Variants in IGSF9B observed in about 807,000 individuals in gnomAD.
The protein encoded by IGSF9B is protein turtle homolog B.
A neutral mutation model predicts 143.7 loss-of-function variants in IGSF9B; 48 were observed. The ratio of observed to expected loss-of-function variants is 0.33; its 90% CI spans 0.26 to 0.42. IGSF9B has a LOEUF of 0.42. Ranked by LOEUF, IGSF9B falls within the 20% of genes least tolerant of loss-of-function variation. The pLI is 1.00. For missense variants in IGSF9B, 1,706 were observed against 1,980.0 expected (o/e 0.86, Z 2.63); for synonymous variants, 903 against 833.1 (o/e 1.08, Z -1.44).
At position 133,906,645 on chromosome 11, in the gene IGSF9B, C is replaced by G. The variant is rs1451662623; in HGVS notation, c.*2424G>C. On this transcript the variant is annotated 3_prime_UTR_variant, in exon 20 of 20. Coordinates refer to ENST00000533871, the MANE Select transcript of IGSF9B (RefSeq NM_001277285.4). Reference sequence around the variant, plus strand: ...GAGCATCTCAGCCTCTCATGACATCCGAAAGAAGCAAAGCCTTCTACCTCA... The same window carrying G: ...GAGCATCTCAGCCTCTCATGACATCGGAAAGAAGCAAAGCCTTCTACCTCA... 2.6e-5 allele frequency among the ~76,000 whole-genome samples: 4 copies of G among 152,174 alleles called. No individual in the cohort carries two copies. Among genetic ancestry groups the G allele is most frequent in the Non-Finnish European group, 4.4e-5 (3 of 68,030 alleles).
At chr11:133,911,506 G>A (rs1270038587) in intron 19 of IGSF9B, among the ~76,000 whole-genome samples, 1 of 152,154 alleles carries the variant, frequency 6.6e-6, no homozygotes, top group Admixed American at 6.5e-5. Flanking sequence ...AAATAGATCT[G>A]TACTATTTGT....
At chr11:133,940,876 A>G (rs1353257596) in intron 3 of IGSF9B, among the ~76,000 whole-genome samples, 2 of 152,262 alleles carry the variant, frequency 1.3e-5, no homozygotes, top group African/African-American at 4.8e-5. Context: ...GAAGTCCTGT[A>G]AAGGGGTCCT....
In IGSF9B at chr11:133,931,493, G is replaced by A. The variant is rs1283191535; in HGVS notation, c.1328C>T (p.Ala443Val). 5 of 1,613,020 alleles carry A rather than the reference G, an allele frequency of 3.1e-6. No individual in the cohort carries two copies. Among genetic ancestry groups the A allele is most frequent in the Non-Finnish European group, 4.2e-6 (5 of 1,179,566 alleles). Residue 443 changes from alanine to valine, a missense_variant, in exon 10 of 20, where the codon GCT becomes GTT. This residue lies in a region of IGSF9B where 238 missense variants were observed against 452.6 expected (regional missense o/e 0.53). Coordinates refer to ENST00000533871, the MANE Select transcript of IGSF9B (RefSeq NM_001277285.4). The surrounding 1 kb of genome is among the most constrained non-coding windows in gnomAD (Gnocchi z 7.7). ...EAGRELLIPC[A>V]AAGDPFPVIT... is the part of the protein sequence containing the mutation. The stretch of plus-strand genomic sequence containing the variant: ...GACAGGAAAGGGGTCCCCTGCGGCA[G>A]CACAGGGGATAAGTAGCTCCCGGCC...
At chr11:133,911,807 A>T in intron 19 of IGSF9B, 79 bp downstream of exon 19, 1 of 1,376,148 alleles carries the variant, frequency 7.3e-7, no homozygotes, top group Non-Finnish European at 9.4e-7. Context: ...AACCCTCCTG[A>T]CAACGGCAGC....
chr11:133,925,093 T>C (rs1358429470), intron 14 of IGSF9B, among the ~76,000 whole-genome samples, 189 bp from the exon 15 acceptor site: 1 of 152,170 alleles, frequency 6.6e-6, no homozygotes, highest in Non-Finnish European at 1.5e-5. Context: ...TTACAATGGC[T>C]GACTTCAAGC....
Position 133,921,057 on chromosome 11 carries a change from G to A in IGSF9B, c.2668C>T (p.Arg890Cys), listed in dbSNP as rs374602069. The change falls in exon 18 of 20, where the codon CGC (arginine) becomes TGC (cysteine). Residue 890 changes from arginine (R) to cysteine (C), a missense_variant. Coordinates refer to ENST00000533871, the MANE Select transcript of IGSF9B (RefSeq NM_001277285.4). ...AEETDMYPEF[R>C]QSDEENEDPL... ...TCCTCGTTCTCCTCGTCCGACTGGC[G>A]GAACTCGGGGTACATGTCCGTCTCC... The A allele has an allele frequency of 9.8e-5, 158 of 1,613,870 alleles. No homozygotes were observed. The highest frequency in any genetic ancestry group is 1.2e-4 in the Non-Finnish European group (142 of 1,179,858).
intron 1 of IGSF9B, among the ~76,000 whole-genome samples, chr11:133,955,599 T>C (rs1409665815): frequency 6.6e-6 from 1 of 152,160 alleles, no homozygotes; most frequent in Non-Finnish European, 1.5e-5. Flanking sequence ...CTCCTCCGGC[T>C]TGGTGAACTT....
chr11:133,931,845 C>T lies in IGSF9B; in HGVS notation c.1111-50G>A. 1 of 1,598,182 alleles carries T rather than the reference C, an allele frequency of 6.3e-7. No individual in the cohort carries two copies. Among genetic ancestry groups the T allele is most frequent in the South Asian group, 1.1e-5 (1 of 88,638 alleles). On this transcript the variant is annotated intron_variant, in intron 8 of 19. Coordinates refer to ENST00000533871, the MANE Select transcript of IGSF9B (RefSeq NM_001277285.4). The surrounding 1 kb of genome is among the most constrained non-coding windows in gnomAD (Gnocchi z 7.7). ...GGGAACGCTGGTCAGAGACTCCGCG[C>T]TCCATCCCAGGCTGGGTCCCAGCTG...
rs1939502050 is a variant in IGSF9B, at chr11:133,920,394, C to T, written c.3331G>A (p.Gly1111Ser). ...GCGGCGGGGGGCGCTGGGACAGGGC[C>T]CCTGCCGGGCGACTTGCCTGCCCAA... ...KGWAGKSPGR[G>S]PVPAPPAAKW... is the part of the protein sequence containing the mutation. Residue 1111 changes from glycine to serine, a missense_variant, in exon 18 of 20, where the codon GGC (glycine) becomes AGC (serine). Around this residue, in one of 7 missense-constraint regions of IGSF9B, gnomAD observed 880 missense variants for 762.9 expected, o/e 1.15. Transcript: ENST00000533871. 1 of 1,598,088 alleles carries T rather than the reference C, an allele frequency of 6.3e-7. No homozygotes were observed. Among genetic ancestry groups the T allele is most frequent in the African/African-American group, 1.3e-5 (1 of 74,152 alleles).
Position 133,919,829 on chromosome 11 carries a change from T to A in IGSF9B, c.3896A>T (p.Asp1299Val). The A allele has an allele frequency of 6.4e-7, 1 of 1,568,522 alleles. No homozygotes were observed. The highest frequency in any genetic ancestry group is 2.3e-5 in the East Asian group (1 of 44,340). The change falls in exon 18 of 20, where the codon GAC (aspartate) becomes GTC (valine). Residue 1299 changes from aspartate to valine, a missense_variant. Transcript: ENST00000533871. ...AGGGGAAGGCGTCTGTCCAAACACG[T>A]CCAAGCTGTCCCCAGGCCCAGCAGG... The part of the protein sequence containing the change: ...PAPAGPGDSL[D>V]VFGQTPSPRR...
chr11:133,944,858 T>G (rs951523363), intron 2 of IGSF9B, among the ~76,000 whole-genome samples: 1 of 152,118 alleles, frequency 6.6e-6, no homozygotes, highest in Non-Finnish European at 1.5e-5. Flanking sequence ...AGCTTCCCTC[T>G]CTAGGGCAGA....
intron 3 of IGSF9B, among the ~76,000 whole-genome samples, chr11:133,940,483 C>G (rs1939927603): frequency 7.3e-6 from 1 of 137,616 alleles, no homozygotes; most frequent in Non-Finnish European, 1.5e-5. Context: ...TCATCGCATA[C>G]AGAAACATAC....
chr11:133,946,220 C>A lies in IGSF9B; in HGVS notation c.103G>T (p.Ala35Ser), dbSNP rs1312673504. The change falls in exon 2 of 20, where the codon GCA (alanine) becomes TCA (serine). Residue 35 changes from alanine to serine, a missense_variant. Ala to Ser is a moderately conservative substitution (Grantham distance 99). Transcript: ENST00000533871. The part of the protein sequence containing the change: ...GLREEPEFVT[A>S]RAGESVVLRC... ...AGGACCACGCTCTCCCCAGCTCTTG[C>A]CGTCACAAACTCGGGCTCCTCTCGC... 1 of 1,613,566 alleles carries A rather than the reference C, an allele frequency of 6.2e-7. No individual in the cohort carries two copies. The highest frequency in any genetic ancestry group is 1.7e-5 in the Admixed American group (1 of 59,972).
chr11:133,921,517 T>C (rs1030479103), intron 17 of IGSF9B, 120 bp from the exon 18 acceptor site: 2 of 729,204 alleles, frequency 2.7e-6, no homozygotes, highest in African/African-American at 1.8e-5. Context: ...GAAAACTGGC[T>C]GTGTATCGTG....
At chr11:133,919,600 G>T in intron 18 of IGSF9B, 142 bp downstream of exon 18, 1 of 570,348 alleles carries the variant, frequency 1.8e-6, no homozygotes, top group Non-Finnish European at 2.8e-6. Flanking sequence ...GCGGCGGCCA[G>T]AACTCCTCTC....
Position 133,919,950 on chromosome 11 carries a change from A to G in IGSF9B, c.3775T>C (p.Ser1259Pro), listed in dbSNP as rs1266673098. 1.3e-6 allele frequency: 2 copies of G among 1,557,804 alleles called. No homozygotes were observed. Residue 1259 changes from serine to proline, a missense_variant, in exon 18 of 20, where the codon TCC (serine) becomes CCC (proline). By Grantham distance (74) the Ser-to-Pro change is moderately conservative. This residue lies in a region of IGSF9B where 880 missense variants were observed against 762.9 expected (regional missense o/e 1.15). Coordinates refer to ENST00000533871, the MANE Select transcript of IGSF9B (RefSeq NM_001277285.4). ...RKSTPSTGSP[S>P]QSSRSGSPSY... Reference sequence around the variant, plus strand: ...GGACTCCCACTGCGGCTGCTCTGGGAGGGGGAGCCTGTGGACGGCGTAGAC... The same window carrying G: ...GGACTCCCACTGCGGCTGCTCTGGGGGGGGGAGCCTGTGGACGGCGTAGAC...
intron 1 of IGSF9B, among the ~76,000 whole-genome samples, chr11:133,951,762 G>C (rs1940163360): frequency 6.6e-6 from 1 of 152,194 alleles, no homozygotes; most frequent in Non-Finnish European, 1.5e-5. Flanking sequence ...GCAGCCGGCA[G>C]GCCGCCTGGC....
Position 133,919,783 on chromosome 11 carries a change from C to G in IGSF9B, c.3942G>C (p.Leu1314Phe), listed in dbSNP as rs773415265. The stretch of plus-strand genomic sequence containing the variant: ...TGGGTGGTGGGGTCTCCGGTCGGAG[C>G]AATTCCTCCCCCGTCCTTCGAGGGG... ...TPSPRRTGEE[L>F]LRPETPPPTL... The change falls in exon 18 of 20, where the codon TTG becomes TTC. Residue 1314 changes from leucine to phenylalanine, a missense_variant. This residue lies in a region of IGSF9B where 880 missense variants were observed against 762.9 expected (regional missense o/e 1.15). Transcript: ENST00000533871. The G allele has an allele frequency of 1.3e-6, 2 of 1,494,220 alleles. No individual in the cohort carries two copies. The highest frequency in any genetic ancestry group is 1.8e-6 in the Non-Finnish European group (2 of 1,119,472). 92.6% of individuals were successfully genotyped at this position (1,494,220 alleles called of 1,614,324 possible). A position where few individuals can be genotyped will look rare whatever the true frequency, so the allele number is the denominator to read the frequency against.
In IGSF9B at chr11:133,920,804, C is replaced by T; in HGVS notation, c.2921G>A (p.Ser974Asn). ...GQYYGYLSSS[S>N]PGEVEPPPFY... is the part of the protein sequence containing the mutation. ...CGGGGGCGGCTCCACCTCCCCAGGG[C>T]TGCTGCTGCTGAGGTACCCATAATA... The change falls in exon 18 of 20, where the codon AGC (serine) becomes AAC (asparagine). Residue 974 changes from serine to asparagine, a missense_variant. Ser to Asn is a conservative substitution (Grantham distance 46). Transcript: ENST00000533871. The T allele has an allele frequency of 6.2e-7, 1 of 1,604,902 alleles. No homozygotes were observed. The highest frequency in any genetic ancestry group is 8.5e-7 in the Non-Finnish European group (1 of 1,175,416).
Sources: allele counts gnomAD v4.1 joint callset (sites outside exome capture counted in the v4.1 genomes callset), GRCh38; gene constraint gnomAD v4.1.1; regional missense constraint gnomAD v4.1.1; non-coding constraint Gnocchi (gnomAD v3.1); transcripts MANE v1.5; gene names NCBI Gene and HGNC (gene_info 2026-07-23, HGNC 2026-07-21).